Variants in LRRC37A2 observed in about 807,000 individuals in gnomAD.
LRRC37A2 encodes the protein leucine-rich repeat-containing protein 37A2.
In LRRC37A2, 9 loss-of-function variants were observed where a neutral mutation model predicts 68.8. That is an observed-to-expected ratio of 0.13 (90% CI 0.08 to 0.23). LRRC37A2 has a LOEUF of 0.23. Ranked by LOEUF, LRRC37A2 falls within the 10% of genes least tolerant of loss-of-function variation. The pLI is 1.00. For synonymous variants in LRRC37A2, 63 were observed against 367.6 expected (o/e 0.17, Z 9.48); for missense variants, 168 against 950.4 (o/e 0.18, Z 10.82).
At chr17:46,786,034 G>A in the LRRC37A2 span, among the ~76,000 whole-genome samples, 6 of 152,198 alleles carry the variant, frequency 3.9e-5, no homozygotes, top group African/African-American at 1.4e-4. Flanking sequence ...TTGTGAGCAT[G>A]AAGTGCTTTT....
the LRRC37A2 span, among the ~76,000 whole-genome samples, chr17:46,834,679 T>A: frequency 1.3e-5 from 2 of 152,238 alleles, no homozygotes; most frequent in South Asian, 4.1e-4. Flanking sequence ...CTGTCCTCTG[T>A]CACACCCCTC....
chr17:46,794,970 T>C, the LRRC37A2 span, among the ~76,000 whole-genome samples: 2 of 151,964 alleles, frequency 1.3e-5, no homozygotes, highest in African/African-American at 4.8e-5. Flanking sequence ...AGGCTGGTCT[T>C]GAACTCCTGA....
the LRRC37A2 span, among the ~76,000 whole-genome samples, chr17:46,862,112 G>A: frequency 1.3e-4 from 20 of 148,488 alleles, 1 homozygote; most frequent in African/African-American, 4.7e-4. Context: ...GCAGTGAGCC[G>A]AGATTGTGCC....
the LRRC37A2 span, among the ~76,000 whole-genome samples, chr17:47,022,631 T>C: frequency 1.8e-3 from 273 of 152,272 alleles, 2 homozygotes; most frequent in Non-Finnish European, 6.3e-4. Flanking sequence ...TAAAGCAAAA[T>C]AGATTTGTTT....
At chr17:46,876,136 CT>C in the LRRC37A2 span, 8 of 1,074,092 alleles carry the variant, frequency 7.4e-6, no homozygotes, top group Admixed American at 2.8e-5. Flanking sequence ...GACCCTGGGT[CT>C]CTTTCCCATT....
the LRRC37A2 span, among the ~76,000 whole-genome samples, chr17:47,020,781 CAAAAAA>C: frequency 5.5e-4 from 11 of 20,112 alleles, no homozygotes; most frequent in African/African-American, 8.8e-4. Flanking sequence ...GACTCCATCT[CAAAAAA>C]AAAAAAAAAA....
chr17:46,904,446 CTGGA>C, the LRRC37A2 span, among the ~76,000 whole-genome samples: 12,648 of 136,896 alleles, frequency 0.092, 932 homozygotes, highest in African/African-American at 0.21. Flanking sequence ...GGCTGGCTGA[CTGGA>C]TGGATGGATG....
chr17:46,948,931 T>C, the LRRC37A2 span: 1 of 152,208 alleles, frequency 6.6e-6, no homozygotes, highest in East Asian at 1.9e-4. Context: ...CATTCATCCA[T>C]TCTTTCGATA....
the LRRC37A2 span, among the ~76,000 whole-genome samples, chr17:46,839,509 G>A: frequency 6.6e-6 from 1 of 152,190 alleles, no homozygotes; most frequent in Admixed American, 6.5e-5. Flanking sequence ...GCCATGCACA[G>A]GCTGTAAATT....
At chr17:47,020,554 C>T in the LRRC37A2 span, among the ~76,000 whole-genome samples, 18 of 150,754 alleles carry the variant, frequency 1.2e-4, no homozygotes, top group Admixed American at 3.3e-4. Flanking sequence ...CCGAGGTGGG[C>T]GGATCACGAG....
the LRRC37A2 span, chr17:46,750,005 A>T: frequency 9.8e-6 from 13 of 1,330,256 alleles, no homozygotes; most frequent in East Asian, 2.3e-5. Context: ...TTTTTATGCT[A>T]ATCTGGAACA....
downstream of LRRC37A2, among the ~76,000 whole-genome samples, chr17:46,558,407 T>G (rs930993706): frequency 9.2e-6 from 1 of 108,688 alleles, no homozygotes; most frequent in African/African-American, 4.0e-5. Context: ...TTTGTTTGTT[T>G]TTGGAGACAG....
the LRRC37A2 span, among the ~76,000 whole-genome samples, chr17:46,825,581 C>T: frequency 1.3e-5 from 2 of 152,254 alleles, no homozygotes; most frequent in South Asian, 4.1e-4. Flanking sequence ...TTCTTCAACG[C>T]ATCTTCATGG....
At chr17:46,829,195 T>G in the LRRC37A2 span, among the ~76,000 whole-genome samples, 2 of 152,172 alleles carry the variant, frequency 1.3e-5, no homozygotes, top group Admixed American at 6.5e-5. Context: ...TAGACAGAGT[T>G]TCACTCTTGT....
the LRRC37A2 span, among the ~76,000 whole-genome samples, chr17:46,839,973 TTTCTC>T: frequency 2.1e-5 from 3 of 140,486 alleles, no homozygotes; most frequent in Non-Finnish European, 3.1e-5. Flanking sequence ...TCTTTCTTTC[TTTCTC>T]TTCTTTCTTT....
chr17:46,500,507 C>T, the LRRC37A2 span, among the ~76,000 whole-genome samples: 801 of 149,776 alleles, frequency 5.3e-3, 9 homozygotes, highest in Middle Eastern at 0.024. Context: ...TGTGGCACCT[C>T]CACTTCAGTT....
At chr17:46,838,173 T>G in the LRRC37A2 span, among the ~76,000 whole-genome samples, 1 of 152,132 alleles carries the variant, frequency 6.6e-6, no homozygotes, top group Non-Finnish European at 1.5e-5. Context: ...CTGTTTTCTC[T>G]CTGAGACATC....
chr17:47,025,385 T>A, the LRRC37A2 span, among the ~76,000 whole-genome samples: 2 of 152,210 alleles, frequency 1.3e-5, no homozygotes, highest in Admixed American at 1.3e-4. Context: ...AATTAACATT[T>A]AAATATTAAA....
the LRRC37A2 span, among the ~76,000 whole-genome samples, chr17:47,002,797 A>T: frequency 6.6e-6 from 1 of 151,756 alleles, no homozygotes; most frequent in Non-Finnish European, 1.5e-5. Flanking sequence ...CCCATTAACC[A>T]TCCCCACCTC....
Sources: gnomAD v4.1 joint callset for allele counts (sites outside exome capture counted in the v4.1 genomes callset) on GRCh38, gnomAD v4.1.1 for gene constraint, MANE v1.5 for transcripts, NCBI Gene and HGNC (gene_info 2026-07-23, HGNC 2026-07-21) for gene names.